INPP5D: variants seen among roughly 807,000 people sequenced by gnomAD.
The protein encoded by INPP5D is phosphatidylinositol 3,4,5-trisphosphate 5-phosphatase 1.
Under a neutral mutation model 122.9 loss-of-function variants are expected in INPP5D, and 33 were observed. The observed-to-expected ratio is 0.27, with a 90% CI of 0.20 to 0.36. INPP5D has a LOEUF of 0.36. Ranked by LOEUF, INPP5D falls within the 10% of genes least tolerant of loss-of-function variation. INPP5D has a pLI of 1.00. For missense variants in INPP5D, 1,053 were observed against 1,412.7 expected, an observed-to-expected ratio of 0.75 and a Z score of 4.08; for synonymous variants, 584 against 576.2, an observed-to-expected ratio of 1.01 and a Z score of -0.19.
rs117653200 is a variant in INPP5D at position 233,122,901 on chromosome 2, C to T, written c.349+644C>T. On this transcript the variant is annotated intron_variant, in intron 3 of 26. Coordinates refer to ENST00000445964, the MANE Select transcript of INPP5D (RefSeq NM_001017915.3). Reference sequence around the variant, plus strand: ...TTAAAAAGACAGAGAGAGAGAATAACGATAGTACCTGCCTCTCATGGTATC... The same window carrying T: ...TTAAAAAGACAGAGAGAGAGAATAATGATAGTACCTGCCTCTCATGGTATC... Among the ~76,000 whole-genome samples, 15 of 152,298 alleles carry T rather than the reference C, an allele frequency of 9.8e-5. No homozygotes were observed. In the East Asian group the frequency reaches 2.1e-3, roughly 22 times the overall value.
intron 11 of INPP5D, 27 bp downstream of exon 11, chr2:233,161,853 G>A: frequency 3.1e-6 from 5 of 1,600,998 alleles, no homozygotes; most frequent in Non-Finnish European, 4.3e-6. Flanking sequence ...CCTCCCTGCA[G>A]TCACCCCCTC....
intron 3 of INPP5D, among the ~76,000 whole-genome samples, chr2:233,122,766 C>T (rs1180361367): frequency 6.6e-6 from 1 of 152,090 alleles, no homozygotes; most frequent in Non-Finnish European, 1.5e-5. Flanking sequence ...ATGATTGCAC[C>T]ACTGCACTCT....
chr2:233,124,089 G>T (rs1331652405), intron 3 of INPP5D, among the ~76,000 whole-genome samples: 1 of 151,680 alleles, frequency 6.6e-6, no homozygotes, highest in Non-Finnish European at 1.5e-5. Flanking sequence ...AACCTGCACA[G>T]GTACCCCTGA....
At chr2:233,141,891 G>A (rs1052041049) in intron 6 of INPP5D, among the ~76,000 whole-genome samples, 3 of 152,178 alleles carry the variant, frequency 2.0e-5, no homozygotes, top group Non-Finnish European at 4.4e-5. Flanking sequence ...GGTTTTCTAC[G>A]GAGAACACGA....
rs184144417 is a variant in INPP5D, at chr2:233,197,113, A to T, written c.2694-982A>T. On this transcript the variant is annotated intron_variant, in intron 24 of 26. Coordinates refer to ENST00000445964, the MANE Select transcript of INPP5D (RefSeq NM_001017915.3). The surrounding 1 kb of genome is among the most constrained non-coding windows in gnomAD (Gnocchi z 4.4). The stretch of plus-strand genomic sequence containing the variant: ...AAGCAGGCAGTGGTGGATGGGAACA[A>T]GGTACAGCTCGGAACCAGGCTGGCA... Among the ~76,000 whole-genome samples the T allele has an allele frequency of 2.6e-5, 4 of 152,312 alleles. No homozygotes were observed. In the East Asian group the frequency reaches 5.8e-4, roughly 22 times the overall value.
At chr2:233,205,406 G>A (rs1293559826) in intron 26 of INPP5D, 1 of 151,624 alleles carries the variant, frequency 6.6e-6, no homozygotes, top group Admixed American at 6.6e-5. Flanking sequence ...TTGTTGCCCA[G>A]GCTAGAGTCC....
At chr2:233,086,143 T>TTCTTTCTTTCTTTCTC in intron 2 of INPP5D, among the ~76,000 whole-genome samples, 1 of 140,718 alleles carries the variant, frequency 7.1e-6, no homozygotes. Context: ...CTTTCTTTCT[T>TTCTTTCTTTCTTTCTC]TCTTTCTTTC....
In INPP5D at chr2:233,095,624, A is replaced by C. The variant is rs1430419475; in HGVS notation, c.198+16226A>C. On this transcript the variant is annotated intron_variant, in intron 2 of 26. Coordinates refer to ENST00000445964, the MANE Select transcript of INPP5D (RefSeq NM_001017915.3). ...AAGATTGAAACTGTCTCAAAAAAAA[A>C]AAAAAAAAAAAAAAAAAAACAACTC... is the stretch of plus-strand genomic sequence containing the variant. 8.1e-4 allele frequency among the ~76,000 whole-genome samples: 12 copies of C among 14,780 alleles called. 1 individual carries two copies. Among genetic ancestry groups the C allele is most frequent in the African/African-American group, 3.2e-3 (12 of 3,712 alleles). The allele number at this position is 14,780 out of a possible 152,430, so 9.7% of individuals were successfully genotyped here. A position where few individuals can be genotyped will look rare whatever the true frequency, so the allele number is the denominator to read the frequency against.
At chr2:233,075,368 A>T (rs996188245) in intron 1 of INPP5D, among the ~76,000 whole-genome samples, 2 of 152,122 alleles carry the variant, frequency 1.3e-5, no homozygotes, top group Non-Finnish European at 2.9e-5. Context: ...CACCACAAAG[A>T]GCTGGGGAAG....
Position 233,105,253 on chromosome 2 carries a change from C to T in INPP5D, c.199-16854C>T, listed in dbSNP as rs113394396. ...AGGGAACTGGGTAGGACAGCAGCTG[C>T]GCTCTCTGTAAGAACCTGGCTATGG... On this transcript the variant is annotated intron_variant, in intron 2 of 26. Coordinates refer to ENST00000445964, the MANE Select transcript of INPP5D (RefSeq NM_001017915.3). This position sits in a 1 kb window ranked among gnomAD's most constrained non-coding sequence, Gnocchi z 4.0. Among the ~76,000 whole-genome samples the T allele has an allele frequency of 0.016, 2,370 of 152,272 alleles. 85 individuals carry two copies. Among genetic ancestry groups the T allele is most frequent in the African/African-American group, 0.054 (2,254 of 41,538 alleles).
At chr2:233,154,736 G>A (rs1437706406) in intron 9 of INPP5D, among the ~76,000 whole-genome samples, 1 of 152,184 alleles carries the variant, frequency 6.6e-6, no homozygotes, top group South Asian at 2.1e-4. Context: ...TCCAGGTGCT[G>A]GTGTGATTAC....
intron 1 of INPP5D, among the ~76,000 whole-genome samples, chr2:233,077,485 C>A (rs1180411102): frequency 6.6e-6 from 1 of 151,942 alleles, no homozygotes; most frequent in Non-Finnish European, 1.5e-5. Flanking sequence ...TATGGAGAAA[C>A]CCCATCTCTA....
At chr2:233,137,161 A>G (rs1038162717) in intron 5 of INPP5D, among the ~76,000 whole-genome samples, 1 of 152,220 alleles carries the variant, frequency 6.6e-6, no homozygotes, top group Non-Finnish European at 1.5e-5. Context: ...ATTAATATAA[A>G]TGCATATTGT....
In INPP5D at chr2:233,175,054, C is replaced by T. The variant is rs138782834; in HGVS notation, c.1990-2211C>T. Among the ~76,000 whole-genome samples the T allele has an allele frequency of 3.4e-3, 507 of 151,338 alleles. 2 individuals are homozygous for T. The highest frequency in any genetic ancestry group is 7.5e-3 in the South Asian group (36 of 4,774). On this transcript the variant is annotated intron_variant, in intron 17 of 26. Transcript: ENST00000445964. ...CCAGTCTGGCCAACACCGCGAAACC[C>T]GTCTCTATACAAAATTAGCCGGGCA...
At chr2:233,060,892 G>C (rs1574692952) in intron 1 of INPP5D, among the ~76,000 whole-genome samples, 1 of 152,178 alleles carries the variant, frequency 6.6e-6, no homozygotes, top group Non-Finnish European at 1.5e-5. Context: ...TCTGGGGACC[G>C]AGAGAAGGGA....
chr2:233,133,302 A>G (rs76441182), intron 5 of INPP5D, among the ~76,000 whole-genome samples: 5,606 of 152,238 alleles, frequency 0.037, 220 homozygotes, highest in East Asian at 0.18. Flanking sequence ...ATTGGGTGGG[A>G]GAGTGCCAGC....
chr2:233,204,087 C>T, intron 25 of INPP5D, 39 bp from the exon 26 acceptor site: 3 of 1,469,982 alleles, frequency 2.0e-6, no homozygotes, highest in Non-Finnish European at 2.7e-6. Context: ...TGTCTTCTCC[C>T]CTGGACATGT....
chr2:233,138,904 C>T (rs1403045039), intron 5 of INPP5D, among the ~76,000 whole-genome samples: 2 of 148,434 alleles, frequency 1.3e-5, no homozygotes, highest in East Asian at 2.2e-4. Flanking sequence ...CGCCACCACA[C>T]CTGGCTAATT....
chr2:233,177,893 A>C lies in INPP5D; in HGVS notation c.2071+547A>C, dbSNP rs1032769478. On this transcript the variant is annotated intron_variant, in intron 18 of 26. Coordinates refer to ENST00000445964, the MANE Select transcript of INPP5D (RefSeq NM_001017915.3). This position sits in a 1 kb window ranked among gnomAD's most constrained non-coding sequence, Gnocchi z 4.2. Reference sequence around the variant, plus strand: ...GCCGACCCGGAGCACTTTTTTAAAAATTCAGTTTTATTTCTTTTGAAAAGA... The same window carrying C: ...GCCGACCCGGAGCACTTTTTTAAAACTTCAGTTTTATTTCTTTTGAAAAGA... Among the ~76,000 whole-genome samples, 1 of 152,194 alleles carries C rather than the reference A, an allele frequency of 6.6e-6. No individual in the cohort carries two copies. Among genetic ancestry groups the C allele is most frequent in the Non-Finnish European group, 1.5e-5 (1 of 68,040 alleles).
Sources: allele counts gnomAD v4.1 joint callset (sites outside exome capture counted in the v4.1 genomes callset), GRCh38; gene constraint gnomAD v4.1.1; non-coding constraint Gnocchi (gnomAD v3.1); transcripts MANE v1.5; gene names NCBI Gene and HGNC (gene_info 2026-07-23, HGNC 2026-07-21).